USP3: variants seen among roughly 807,000 people sequenced by gnomAD.
USP3 encodes ubiquitin specific peptidase 3, also known as ubiquitin carboxyl-terminal hydrolase 3.
Under a neutral mutation model 72.3 loss-of-function variants are expected in USP3, and 20 were observed. The ratio of observed to expected loss-of-function variants is 0.28; its 90% CI spans 0.19 to 0.40. USP3 has a LOEUF of 0.40. Among genes scored for constraint, USP3 ranks in the 10% least tolerant of loss-of-function variants. The pLI is 1.00. For synonymous variants in USP3, 222 were observed against 225.3 expected, an observed-to-expected ratio of 0.99 and a Z score of 0.13; for missense variants, 479 against 633.9, an observed-to-expected ratio of 0.76 and a Z score of 2.62.
intron 3 of USP3, among the ~76,000 whole-genome samples, chr15:63,543,434 C>G (rs1397727543): frequency 6.6e-6 from 1 of 152,054 alleles, no homozygotes; most frequent in African/African-American, 2.4e-5. Context: ...GAACACTGTA[C>G]CTTTTTATTT....
At chr15:63,540,760 G>T (rs2066233429) in intron 3 of USP3, among the ~76,000 whole-genome samples, 1 of 152,210 alleles carries the variant, frequency 6.6e-6, no homozygotes, top group African/African-American at 2.4e-5. Context: ...GAAAAGGAAT[G>T]ATTCTGATTT....
chr15:63,560,863 T>C (rs2066597702), intron 7 of USP3, among the ~76,000 whole-genome samples: 1 of 152,212 alleles, frequency 6.6e-6, no homozygotes, highest in African/African-American at 2.4e-5. Flanking sequence ...GTACTCCTTA[T>C]ATATTTAATG....
At chr15:63,533,361 CCCAGTT>C (rs2066107163) in intron 2 of USP3, among the ~76,000 whole-genome samples, 1 of 151,756 alleles carries the variant, frequency 6.6e-6, no homozygotes, top group South Asian at 2.1e-4. Flanking sequence ...CTCACCCCAC[CCCAGTT>C]TAAACCTGAG....
intron 3 of USP3, among the ~76,000 whole-genome samples, chr15:63,537,886 T>G (rs1289764607): frequency 6.6e-6 from 1 of 152,150 alleles, no homozygotes; most frequent in Non-Finnish European, 1.5e-5. Context: ...AGTTTCACCA[T>G]GTTGGTCAGG....
intron 1 of USP3, among the ~76,000 whole-genome samples, chr15:63,513,304 A>G (rs144768232): frequency 2.4e-4 from 36 of 152,354 alleles, no homozygotes; most frequent in Middle Eastern, 3.4e-3. Context: ...TTAACTGATT[A>G]TAAGAAAGTA....
In USP3 at chr15:63,570,407, T is replaced by G. The variant is rs537728412; in HGVS notation, c.762-26T>G. On this transcript the variant is annotated intron_variant, in intron 8 of 14. Transcript: ENST00000380324. This position sits in a 1 kb window ranked among gnomAD's most constrained non-coding sequence, Gnocchi z 4.4. ...GCACAAAGAGCCCTCCACCCGGCCT[T>G]ATAAGTGACTGTTTGTTTGCTTTAG... The G allele has an allele frequency of 2.8e-5, 45 of 1,613,492 alleles. No individual in the cohort carries two copies. The South Asian group carries it at 4.0e-4, about 14-fold the overall frequency.
In USP3 at chr15:63,592,778, T is replaced by A. The variant is rs1265764023; in HGVS notation, c.*1952T>A. On this transcript the variant is annotated 3_prime_UTR_variant, in exon 15 of 15. Transcript: ENST00000380324. ...CTTGACCTTTTTTTTTTTTTAAGTT[T>A]ATGATATAAAAACAGTCTGGTGGCT... is the stretch of plus-strand genomic sequence containing the variant. 1 of 151,806 alleles carries A rather than the reference T, an allele frequency of 6.6e-6. No homozygotes were observed. The allele number at this position is 151,806 out of a possible 1,614,324, so 9.4% of individuals were successfully genotyped here.
rs555764224 is a variant in USP3 at position 63,557,604 on chromosome 15, G to A, written c.451-502G>A. Among the ~76,000 whole-genome samples the A allele has an allele frequency of 3.3e-5, 5 of 152,222 alleles. No individual in the cohort carries two copies. The Middle Eastern group carries it at 0.014, about 414-fold the overall frequency. ...AGAGACGGAGTTTCGCCATGTTGGCGGCCTGTCTTGAGGCGCCTGGCCTCA... is the reference window on the plus strand; with the variant it reads ...AGAGACGGAGTTTCGCCATGTTGGCAGCCTGTCTTGAGGCGCCTGGCCTCA... On this transcript the variant is annotated intron_variant, in intron 5 of 14. Coordinates refer to ENST00000380324, the MANE Select transcript of USP3 (RefSeq NM_006537.4).
rs2066029285 is a variant in USP3, at chr15:63,529,152, C to T, written c.92-3495C>T. On this transcript the variant is annotated intron_variant, in intron 1 of 14. Transcript: ENST00000380324. This position sits in a 1 kb window ranked among gnomAD's most constrained non-coding sequence, Gnocchi z 4.2. ...TAGCTGGGACTACAGATGCAATCAC[C>T]ACCACACTTGGCAGGTAGTAAAGTG... 3 of 875,854 alleles carry T rather than the reference C, an allele frequency of 3.4e-6. No individual in the cohort carries two copies. The highest frequency in any genetic ancestry group is 4.9e-6 in the Non-Finnish European group (3 of 612,858). The allele number at this position is 875,854 out of a possible 1,614,324, so 54.3% of individuals were successfully genotyped here.
chr15:63,542,896 A>C (rs2066265749), intron 3 of USP3, among the ~76,000 whole-genome samples: 1 of 152,192 alleles, frequency 6.6e-6, no homozygotes, highest in African/African-American at 2.4e-5. Flanking sequence ...TGGCATAAAT[A>C]TTGGAAACAA....
rs2067242577 is a variant in USP3, at chr15:63,593,598, T to G, written c.*2772T>G. 2 of 152,260 alleles carry G rather than the reference T, an allele frequency of 1.3e-5. No individual in the cohort carries two copies. Among genetic ancestry groups the G allele is most frequent in the Admixed American group, 1.3e-4 (2 of 15,286 alleles). The allele number at this position is 152,260 out of a possible 1,614,324, so 9.4% of individuals were successfully genotyped here. A position where few individuals can be genotyped will look rare whatever the true frequency, so the allele number is the denominator to read the frequency against. ...CACGTCTTCTCTCTGAATTTGTTTT[T>G]ATTGGTTGGTTTTACTTGAACAGAA... On this transcript the variant is annotated 3_prime_UTR_variant, in exon 15 of 15. Coordinates refer to ENST00000380324, the MANE Select transcript of USP3 (RefSeq NM_006537.4).
chr15:63,514,543 A>G (rs903584890), intron 1 of USP3, among the ~76,000 whole-genome samples: 6 of 152,276 alleles, frequency 3.9e-5, no homozygotes, highest in Admixed American at 3.9e-4. Context: ...AGTAAGTACA[A>G]GTGTGGTACT....
chr15:63,551,005 G>GA (rs1283048601), intron 3 of USP3, among the ~76,000 whole-genome samples: 1 of 151,986 alleles, frequency 6.6e-6, no homozygotes, highest in Admixed American at 6.6e-5. Flanking sequence ...AAAAAATAAA[G>GA]AAAAAAATAA....
rs2066302171 is a variant in USP3 at position 63,545,205 on chromosome 15, A to ATT, written c.284+8049_284+8050insTT. ...GATTTTATTCATTGTTTACCTCCTTAATTATATAATAGAAATAAGTAGCTT... is the reference window on the plus strand; with the variant it reads ...GATTTTATTCATTGTTTACCTCCTTATTATTATATAATAGAAATAAGTAGCTT... On this transcript the variant is annotated intron_variant, in intron 3 of 14. Transcript: ENST00000380324. Among the ~76,000 whole-genome samples the ATT allele has an allele frequency of 2.0e-5, 3 of 152,220 alleles. No homozygotes were observed. In the South Asian group the frequency reaches 6.2e-4, roughly 31 times the overall value.
chr15:63,541,968 G>T, intron 3 of USP3: 1 of 767,204 alleles, frequency 1.3e-6, no homozygotes, highest in South Asian at 5.9e-5. Context: ...TATAAAGATA[G>T]CTTTGTTGCC....
chr15:63,504,947 C>G (rs998157298), intron 1 of USP3, 117 bp downstream of exon 1: 1 of 695,206 alleles, frequency 1.4e-6, no homozygotes, highest in Admixed American at 5.3e-5. Flanking sequence ...GAGGGCGAGC[C>G]GGGCCCGGCG....
chr15:63,581,695 CAT>C (rs1330289418), intron 11 of USP3, among the ~76,000 whole-genome samples: 1 of 135,412 alleles, frequency 7.4e-6, no homozygotes, highest in Non-Finnish European at 1.6e-5. Flanking sequence ...GTGCCCGGCC[CAT>C]ATGTTTGTTT....
At chr15:63,561,172 T>C (rs957392430) in intron 7 of USP3, among the ~76,000 whole-genome samples, 16 of 152,062 alleles carry the variant, frequency 1.1e-4, no homozygotes, top group Non-Finnish European at 2.9e-5. Context: ...GGCTTTGCAC[T>C]CTACAGTAAT....
At chr15:63,556,779 A>T in intron 5 of USP3, 31 bp downstream of exon 5, 1 of 1,410,904 alleles carries the variant, frequency 7.1e-7, no homozygotes, top group East Asian at 2.5e-5. Flanking sequence ...CAAATATAAG[A>T]GTTAGTTGAG....
Sources: allele counts gnomAD v4.1 joint callset (sites outside exome capture counted in the v4.1 genomes callset), GRCh38; gene constraint gnomAD v4.1.1; non-coding constraint Gnocchi (gnomAD v3.1); transcripts MANE v1.5; gene names NCBI Gene and HGNC (gene_info 2026-07-23, HGNC 2026-07-21).